MBP: variants seen among roughly 807,000 people sequenced by gnomAD.
The protein encoded by MBP is Golli-MBP.
Under a neutral mutation model 35.8 loss-of-function variants are expected in MBP, and 16 were observed. That is an observed-to-expected ratio of 0.45 (90% CI 0.30 to 0.68). The LOEUF is 0.68. Among genes scored for constraint, MBP ranks in the 30% least tolerant of loss-of-function variants. MBP has a pLI of 0.08. For missense variants in MBP, 380 were observed against 404.7 expected (o/e 0.94, Z 0.52); for synonymous variants, 143 against 159.6 (o/e 0.90, Z 0.78).
intron 7 of MBP, chr18:76,987,607 G>T (rs1969630100): frequency 1.0e-6 from 1 of 985,052 alleles, no homozygotes; most frequent in Non-Finnish European, 1.2e-6. Context: ...TCATTTATAT[G>T]ATGCTTATTA....
chr18:77,115,535 T>C (rs1976634106), intron 1 of MBP: 1 of 152,236 alleles, frequency 6.6e-6, no homozygotes. Flanking sequence ...CTCCAGATTC[T>C]AATCAAGGAG....
intron 4 of MBP, among the ~76,000 whole-genome samples, chr18:76,992,638 C>CA (rs1329022598): frequency 5.9e-5 from 9 of 152,214 alleles, no homozygotes; most frequent in Admixed American, 6.5e-5. Context: ...TCCCAGCATT[C>CA]AGCACCCAGA....
intron 1 of MBP, among the ~76,000 whole-genome samples, chr18:77,122,743 A>G (rs1976928631): frequency 1.3e-5 from 2 of 152,074 alleles, no homozygotes; most frequent in South Asian, 4.1e-4. Flanking sequence ...GGGTTTCACC[A>G]TGTTGGTCAG....
At chr18:77,080,962 C>T (rs758217753) in intron 2 of MBP, among the ~76,000 whole-genome samples, 34 of 152,344 alleles carry the variant, frequency 2.2e-4, no homozygotes, top group Middle Eastern at 3.4e-3. Context: ...GGACTACAGG[C>T]GTGAGTCACT....
chr18:77,084,401 T>C (rs1975113735), intron 2 of MBP, among the ~76,000 whole-genome samples: 4 of 104,518 alleles, frequency 3.8e-5, no homozygotes, highest in Non-Finnish European at 5.8e-5. Context: ...AAAAAGACCA[T>C]CACAACACCG....
chr18:77,040,114 A>G (rs1972931316), intron 3 of MBP, among the ~76,000 whole-genome samples: 1 of 152,202 alleles, frequency 6.6e-6, no homozygotes, highest in African/African-American at 2.4e-5. Context: ...AGTGTCTCAT[A>G]CTTCTTTAAG....
intron 3 of MBP, among the ~76,000 whole-genome samples, chr18:77,019,338 G>A (rs1365807748): frequency 6.6e-6 from 1 of 152,194 alleles, no homozygotes; most frequent in African/African-American, 2.4e-5. Context: ...TTCTGCAGTA[G>A]GGTGGGCCCT....
At chr18:77,060,205 A>G (rs534768558) in intron 3 of MBP, among the ~76,000 whole-genome samples, 2 of 152,256 alleles carry the variant, frequency 1.3e-5, no homozygotes, top group Non-Finnish European at 2.9e-5. Flanking sequence ...CCTCCAGTAT[A>G]TGGCACGGCA....
At chr18:77,120,619 G>A (rs777891171) in intron 1 of MBP, among the ~76,000 whole-genome samples, 9 of 152,170 alleles carry the variant, frequency 5.9e-5, no homozygotes, top group Non-Finnish European at 8.8e-5. Flanking sequence ...TGTTAGTCAC[G>A]AGGTCTATCG....
chr18:77,033,776 AT>A (rs1196731018), intron 3 of MBP, among the ~76,000 whole-genome samples: 2 of 139,278 alleles, frequency 1.4e-5, no homozygotes, highest in African/African-American at 5.7e-5. Flanking sequence ...CCATCCATCC[AT>A]CCATCCATCC....
intron 3 of MBP, among the ~76,000 whole-genome samples, chr18:77,050,880 A>G (rs1412355323): frequency 6.6e-6 from 1 of 152,150 alleles, no homozygotes; most frequent in Middle Eastern, 3.2e-3. Context: ...TGTCTTAATC[A>G]TCTCAAGGGA....
intron 2 of MBP, among the ~76,000 whole-genome samples, chr18:77,095,920 C>A (rs1975741975): frequency 6.6e-6 from 1 of 152,236 alleles, no homozygotes; most frequent in Admixed American, 6.5e-5. Context: ...AGTTTACGCT[C>A]ACTGGACTTA....
At chr18:77,018,509 C>G (rs1971791324) in intron 3 of MBP, among the ~76,000 whole-genome samples, 1 of 150,438 alleles carries the variant, frequency 6.6e-6, no homozygotes, top group South Asian at 2.1e-4. Context: ...ATCCATCCAT[C>G]TATCCATCCA....
At chr18:77,028,423 TC>T (rs1972327564) in intron 3 of MBP, among the ~76,000 whole-genome samples, 1 of 100,342 alleles carries the variant, frequency 1.0e-5, no homozygotes, top group Non-Finnish European at 2.6e-5. Context: ...ATCCGATTTC[TC>T]AATCTTTTCC....
At position 77,100,549 on chromosome 18, in the gene MBP, TG is replaced by T. The variant is rs1568339837; in HGVS notation, c.51+4661del. On this transcript the variant is annotated intron_variant, in intron 2 of 8. Transcript: ENST00000355994. Reference sequence around the variant, plus strand: ...TGTGTGTGTGTGTGTGTGTGTGTTTTGTGGTTTTTTCTTTTTTTTGAGACAG... The same window carrying T: ...TGTGTGTGTGTGTGTGTGTGTGTTTTTGGTTTTTTCTTTTTTTTGAGACAG... Among the ~76,000 whole-genome samples the T allele has an allele frequency of 1.7e-3, 254 of 146,600 alleles. 4 individuals carry two copies. Among genetic ancestry groups the T allele is most frequent in the African/African-American group, 6.0e-3 (240 of 39,854 alleles).
intron 2 of MBP, among the ~76,000 whole-genome samples, chr18:77,070,294 G>A (rs1277865745): frequency 1.3e-5 from 2 of 152,182 alleles, no homozygotes; most frequent in South Asian, 2.1e-4. Flanking sequence ...GTGTCGACAC[G>A]CATTTCAAGC....
chr18:77,010,083 A>G lies in MBP; in HGVS notation c.576+6749T>C, dbSNP rs1971258595. 10 of 623,806 alleles carry G rather than the reference A, an allele frequency of 1.6e-5. No homozygotes were observed. The South Asian group carries it at 1.8e-4, about 11-fold the overall frequency. 38.6% of individuals were successfully genotyped at this position (623,806 alleles called of 1,614,324 possible). A position where few individuals can be genotyped will look rare whatever the true frequency, so the allele number is the denominator to read the frequency against. On this transcript the variant is annotated intron_variant, in intron 4 of 8. Transcript: ENST00000355994. ...GGAGGATGAAGGACGACAGGGAGAG[A>G]AGAAGGCATGTGCAGATGATGGATG... is the stretch of plus-strand genomic sequence containing the variant.
At chr18:76,990,133 GATCTCTCC>G (rs1568268434) in intron 4 of MBP, 73 bp from the exon 5 acceptor site, 1 of 929,586 alleles carries the variant, frequency 1.1e-6, no homozygotes, top group Non-Finnish European at 1.7e-6. Flanking sequence ...AGGGAAGCTG[GATCTCTCC>G]TCCTTTGTAA....
chr18:77,028,714 CA>C (rs1972368647), intron 3 of MBP, among the ~76,000 whole-genome samples: 2 of 95,272 alleles, frequency 2.1e-5, no homozygotes, highest in Non-Finnish European at 5.6e-5. Flanking sequence ...AGGCGCCCCT[CA>C]CCTCCCGGAC....
Sources: gnomAD v4.1 joint callset for allele counts (sites outside exome capture counted in the v4.1 genomes callset) on GRCh38, gnomAD v4.1.1 for gene constraint, MANE v1.5 for transcripts, NCBI Gene and HGNC (gene_info 2026-07-23, HGNC 2026-07-21) for gene names.